Variants in TMC7 observed in about 807,000 individuals in gnomAD.
The protein encoded by TMC7 is transmembrane channel-like protein 7.
Under a neutral mutation model 82.9 loss-of-function variants are expected in TMC7, and 54 were observed. The observed-to-expected ratio is 0.65, with a 90% CI of 0.52 to 0.82. TMC7 has a LOEUF of 0.82. TMC7 is among the 40% of genes least tolerant of loss of function. The pLI is 0.00. For missense variants in TMC7, 820 were observed against 901.2 expected (o/e 0.91, Z 1.15); for synonymous variants, 350 against 337.9 (o/e 1.04, Z -0.39).
chr16:18,995,473 G>A (rs111895960), intron 1 of TMC7, among the ~76,000 whole-genome samples: 4,740 of 152,250 alleles, frequency 0.031, 237 homozygotes, highest in African/African-American at 0.11. Context: ...GGGAGTGGCT[G>A]CCGGGCGAGT....
At chr16:19,053,307 C>CTT (rs11409750) in intron 13 of TMC7, among the ~76,000 whole-genome samples, 307 of 148,438 alleles carry the variant, frequency 2.1e-3, no homozygotes, top group South Asian at 0.019. Flanking sequence ...CATTAATATT[C>CTT]TTTTTTTTTT....
intron 5 of TMC7, among the ~76,000 whole-genome samples, chr16:19,026,338 G>A (rs1461414432): frequency 2.6e-5 from 4 of 151,636 alleles, no homozygotes; most frequent in Non-Finnish European, 4.4e-5. Context: ...TTAGCCAGGC[G>A]TGGTGGCAGG....
At chr16:19,051,600 C>A in intron 12 of TMC7, 86 bp from the exon 13 acceptor site, 2 of 1,487,436 alleles carry the variant, frequency 1.3e-6, no homozygotes, top group Non-Finnish European at 1.9e-6. Flanking sequence ...GATTAACATT[C>A]CCACTGTAAT....
chr16:19,044,195 T>G (rs1465560505), intron 9 of TMC7, among the ~76,000 whole-genome samples: 1 of 151,934 alleles, frequency 6.6e-6, no homozygotes, highest in African/African-American at 2.4e-5. Flanking sequence ...TTGTTTGTTT[T>G]TTCTCACTCT....
intron 9 of TMC7, among the ~76,000 whole-genome samples, chr16:19,042,809 C>T (rs143523792): frequency 0.014 from 2,157 of 151,662 alleles, 56 homozygotes; most frequent in African/African-American, 0.05. Context: ...TGCAGTGGCG[C>T]GATCTCGGCT....
intron 6 of TMC7, among the ~76,000 whole-genome samples, chr16:19,031,275 C>T (rs1043993785): frequency 2.0e-5 from 3 of 152,114 alleles, no homozygotes; most frequent in Non-Finnish European, 2.9e-5. Flanking sequence ...ACCCTTCCAC[C>T]GTTGCCATGG....
Position 19,056,632 on chromosome 16 carries a change from GC to G in TMC7, c.1963del (p.Leu655CysfsTer19). 1 of 1,614,006 alleles carries G rather than the reference GC, an allele frequency of 6.2e-7. No homozygotes were observed. Among genetic ancestry groups the G allele is most frequent in the Admixed American group, 1.7e-5 (1 of 59,980 alleles). On this transcript the variant is annotated frameshift_variant, in exon 14 of 16. Transcript: ENST00000304381. LOFTEE classifies it high-confidence loss of function. ...AGACGGTGAGCACCTTCCCCAGCTC[GC>G]TGCAGTCCTTCATCCATGGTGTCAC... Reference protein sequence around the residue: ...PKTVSTFPSSLQSFIHGVTSE... With the variant: ...PKTVSTFPSSXQSFIHGVTSE...
At chr16:19,025,842 C>T (rs1222975462) in intron 5 of TMC7, among the ~76,000 whole-genome samples, 1 of 151,762 alleles carries the variant, frequency 6.6e-6, no homozygotes, top group African/African-American at 2.4e-5. Flanking sequence ...GCAACCTCTG[C>T]CTCCTAGGCT....
At chr16:19,051,256 T>C (rs900440487) in intron 12 of TMC7, among the ~76,000 whole-genome samples, 2 of 151,682 alleles carry the variant, frequency 1.3e-5, no homozygotes, top group African/African-American at 2.4e-5. Context: ...TTTTTTTAAT[T>C]TTATTATTAT....
chr16:19,046,720 C>T (rs1450336159), intron 11 of TMC7, among the ~76,000 whole-genome samples: 1 of 151,836 alleles, frequency 6.6e-6, no homozygotes, highest in Non-Finnish European at 1.5e-5. Flanking sequence ...GTAGTCTCAG[C>T]CACTTGGGAG....
rs777932043 is a variant in TMC7 at position 19,047,087 on chromosome 16, T to A, written c.1578T>A (p.Ser526=). Residue 526 remains serine (S), a synonymous_variant, in exon 12 of 16, where the codon TCT becomes TCA. Transcript: ENST00000304381. ...PRKLLVTYCS[S]CKLIQCWGQQ... ...GGCTCCTGGTGACCTACTGTTCCTC[T>A]TGCAAGCTGATTCAGTGCTGGGGGC... The A allele has an allele frequency of 8.1e-6, 13 of 1,612,334 alleles. No homozygotes were observed. Among genetic ancestry groups the A allele is most frequent in the Non-Finnish European group, 1.1e-5 (13 of 1,179,344 alleles).
intron 1 of TMC7, among the ~76,000 whole-genome samples, chr16:19,007,079 C>T (rs1470474618): frequency 1.3e-5 from 2 of 151,948 alleles, no homozygotes; most frequent in Non-Finnish European, 2.9e-5. Flanking sequence ...CCTGCCTCGG[C>T]CTCCCAAAAT....
chr16:19,025,145 A>G (rs1960163396), intron 5 of TMC7, among the ~76,000 whole-genome samples: 1 of 152,134 alleles, frequency 6.6e-6, no homozygotes, highest in African/African-American at 2.4e-5. Flanking sequence ...TCTACCCACT[A>G]GATGCCAGCA....
chr16:19,061,477 G>T (rs1048877074), intron 15 of TMC7, among the ~76,000 whole-genome samples: 1 of 151,872 alleles, frequency 6.6e-6, no homozygotes, highest in African/African-American at 2.4e-5. Flanking sequence ...TAGAGATGGG[G>T]TTTTACTATA....
chr16:19,016,306 T>A, intron 2 of TMC7, 144 bp from the exon 3 acceptor site: 1 of 838,706 alleles, frequency 1.2e-6, no homozygotes. Context: ...GCCAGGCTGG[T>A]CTTGAACTCC....
At chr16:19,042,460 A>G (rs1371678227) in intron 9 of TMC7, among the ~76,000 whole-genome samples, 1 of 149,608 alleles carries the variant, frequency 6.7e-6, no homozygotes, top group African/African-American at 2.5e-5. Context: ...CAGGCTTATG[A>G]GCCACCATGC....
At chr16:19,045,484 C>T (rs1298370960) in intron 11 of TMC7, 46 bp downstream of exon 11, 1 of 1,211,052 alleles carries the variant, frequency 8.3e-7, no homozygotes, top group Non-Finnish European at 1.2e-6. Flanking sequence ...CACACACATG[C>T]ACACACACAC....
chr16:19,043,659 C>T (rs1006822275), intron 9 of TMC7, among the ~76,000 whole-genome samples: 1 of 152,138 alleles, frequency 6.6e-6, no homozygotes, highest in Non-Finnish European at 1.5e-5. Context: ...CAACCTTCGC[C>T]TCCCAGGTTC....
intron 5 of TMC7, among the ~76,000 whole-genome samples, chr16:19,026,002 C>T (rs1485487956): frequency 6.6e-6 from 1 of 151,846 alleles, no homozygotes; most frequent in Non-Finnish European, 1.5e-5. Context: ...TCTCGAGCTC[C>T]TGAGCTCAAG....
Sources: gnomAD v4.1 joint callset for allele counts (sites outside exome capture counted in the v4.1 genomes callset) on GRCh38, gnomAD v4.1.1 for gene constraint, MANE v1.5 for transcripts, NCBI Gene and HGNC (gene_info 2026-07-23, HGNC 2026-07-21) for gene names.